The following NHEJ1 variants were observed in gnomAD, a reference collection of about 807,000 sequenced individuals.
NHEJ1 encodes the protein non-homologous end-joining factor 1.
In NHEJ1, 22 loss-of-function variants were observed where a neutral mutation model predicts 39.4. That is an observed-to-expected ratio of 0.56 (90% CI 0.40 to 0.80). The LOEUF is 0.80. Ranked by LOEUF, NHEJ1 falls within the 30% of genes least tolerant of loss-of-function variation. The probability of loss-of-function intolerance (pLI) is 0.00; values close to 1 mark genes in which losing one functional copy is unlikely to be tolerated. For synonymous variants in NHEJ1, 154 were observed against 135.6 expected (o/e 1.14, Z -0.94); for missense variants, 329 against 357.1 (o/e 0.92, Z 0.63).
chr2:219,126,634 C>T (rs1949525878), intron 5 of NHEJ1, among the ~76,000 whole-genome samples: 1 of 152,168 alleles, frequency 6.6e-6, no homozygotes, highest in South Asian at 2.1e-4. Context: ...ACATCATATC[C>T]CTGCCCTTGG....
chr2:219,075,172 T>C lies in NHEJ1; in HGVS notation c.*1209A>G, dbSNP rs1949000774. 1.3e-5 allele frequency: 2 copies of C among 152,250 alleles called. No homozygotes were observed. Among genetic ancestry groups the C allele is most frequent in the Admixed American group, 6.5e-5 (1 of 15,286 alleles). The allele number at this position is 152,250 out of a possible 1,614,324, so 9.4% of individuals were successfully genotyped here. ...TTCTGGCTGTCACTTATTAGCTGTA[T>C]GACCTTTGATAAGTCACTTACTCAC... On this transcript the variant is annotated 3_prime_UTR_variant, in exon 8 of 8. Coordinates refer to ENST00000356853, the MANE Select transcript of NHEJ1 (RefSeq NM_024782.3).
At chr2:219,142,242 T>G (rs1422493263) in intron 5 of NHEJ1, among the ~76,000 whole-genome samples, 2 of 151,584 alleles carry the variant, frequency 1.3e-5, no homozygotes, top group African/African-American at 4.8e-5. Context: ...GAGAGAAGAG[T>G]AGAGAATTGC....
At chr2:219,117,236 T>C (rs1193563167) in intron 5 of NHEJ1, among the ~76,000 whole-genome samples, 2 of 152,116 alleles carry the variant, frequency 1.3e-5, no homozygotes, top group Non-Finnish European at 2.9e-5. Flanking sequence ...CACCCCTTCA[T>C]TTTACAAGCC....
chr2:219,158,498 C>G (rs1412710909), intron 1 of NHEJ1, 136 bp from the exon 2 acceptor site: 1 of 805,982 alleles, frequency 1.2e-6, no homozygotes, highest in Non-Finnish European at 2.1e-6. Context: ...GATTTACGTT[C>G]TCCCAGTATA....
intron 5 of NHEJ1, among the ~76,000 whole-genome samples, chr2:219,126,264 A>C (rs1949513442): frequency 6.6e-6 from 1 of 152,236 alleles, no homozygotes; most frequent in South Asian, 2.1e-4. Flanking sequence ...ATAATGGGGA[A>C]AAGCTCTGCA....
chr2:219,083,162 A>C lies in NHEJ1; in HGVS notation c.589-4956T>G, dbSNP rs150067463. 8.1e-4 allele frequency among the ~76,000 whole-genome samples: 124 copies of C among 152,304 alleles called. 3 individuals carry two copies. In the East Asian group the frequency reaches 0.021, roughly 26 times the overall value. On this transcript the variant is annotated intron_variant, in intron 5 of 7. Transcript: ENST00000356853. ...ATATGGTAGTGAACAAAAGAGATAAAATTCCCTGCCATCTTGAAGTTTACA... is the reference window on the plus strand; with the variant it reads ...ATATGGTAGTGAACAAAAGAGATAACATTCCCTGCCATCTTGAAGTTTACA...
At chr2:219,126,549 A>T (rs1469833061) in intron 5 of NHEJ1, among the ~76,000 whole-genome samples, 2 of 152,244 alleles carry the variant, frequency 1.3e-5, no homozygotes, top group Non-Finnish European at 2.9e-5. Context: ...TCAAAAAGGC[A>T]AAAGTTCTCT....
At chr2:219,083,777 C>T (rs1172951242) in intron 5 of NHEJ1, among the ~76,000 whole-genome samples, 3 of 152,088 alleles carry the variant, frequency 2.0e-5, no homozygotes, top group African/African-American at 7.2e-5. Context: ...CTTGCCTGGC[C>T]CTACTCCAAT....
intron 5 of NHEJ1, among the ~76,000 whole-genome samples, chr2:219,106,202 A>T (rs1216097911): frequency 1.3e-5 from 2 of 152,192 alleles, no homozygotes; most frequent in African/African-American, 2.4e-5. Context: ...CTTGGGTCTA[A>T]GAAGACCTTG....
intron 3 of NHEJ1, among the ~76,000 whole-genome samples, 156 bp from the exon 4 acceptor site, chr2:219,147,951 T>C (rs1949758843): frequency 1.3e-5 from 2 of 152,286 alleles, no homozygotes; most frequent in South Asian, 4.1e-4. Context: ...TAAACACAAA[T>C]ACAATAATTA....
chr2:219,084,072 T>A (rs1949090792), intron 5 of NHEJ1, among the ~76,000 whole-genome samples: 1 of 150,812 alleles, frequency 6.6e-6, no homozygotes, highest in Admixed American at 6.6e-5. Flanking sequence ...AGTGGTACAG[T>A]CTCCGCTCAC....
Position 219,147,731 on chromosome 2 carries a change from T to C in NHEJ1, c.455A>G (p.Glu152Gly), listed in dbSNP as rs1949755754. Residue 152 changes from glutamate to glycine, a missense_variant, in exon 4 of 8, where the codon GAG becomes GGG. Coordinates refer to ENST00000356853, the MANE Select transcript of NHEJ1 (RefSeq NM_024782.3). The stretch of plus-strand genomic sequence containing the variant: ...TTTCATATGAAGTAACGTTGCTAGC[T>C]CCCTCACTTGGCACTGTAATGCCAG... ...MSLALQCQVR[E>G]LATLLHMKDL... 6.2e-7 allele frequency: 1 copy of C among 1,613,208 alleles called. No homozygotes were observed. Among genetic ancestry groups the C allele is most frequent in the Non-Finnish European group, 8.5e-7 (1 of 1,179,142 alleles).
intron 5 of NHEJ1, chr2:219,125,519 G>GT: frequency 6.6e-6 from 1 of 152,524 alleles, no homozygotes; most frequent in Non-Finnish European, 1.5e-5. Context: ...ACCACACAAG[G>GT]GATCTTGTCT....
chr2:219,076,484 G>T, intron 7 of NHEJ1, 29 bp from the exon 8 acceptor site: 1 of 1,607,038 alleles, frequency 6.2e-7, no homozygotes, highest in Non-Finnish European at 8.5e-7. Context: ...AAGTTAGTAG[G>T]GGTTTTGAAA....
At chr2:219,140,675 G>T (rs1210079420) in intron 5 of NHEJ1, among the ~76,000 whole-genome samples, 1 of 152,096 alleles carries the variant, frequency 6.6e-6, no homozygotes, top group African/African-American at 2.4e-5. Flanking sequence ...AAGTAAATCT[G>T]GGCATACGAC....
At chr2:219,081,387 G>A (rs1185780650) in intron 5 of NHEJ1, among the ~76,000 whole-genome samples, 2 of 152,162 alleles carry the variant, frequency 1.3e-5, no homozygotes, top group African/African-American at 4.8e-5. Flanking sequence ...CTATAAGTGC[G>A]ACTGAGCCAG....
intron 5 of NHEJ1, among the ~76,000 whole-genome samples, chr2:219,139,773 A>C (rs1461924687): frequency 6.6e-6 from 1 of 152,020 alleles, no homozygotes. Flanking sequence ...GAGACCTCCC[A>C]GGTTCACGCC....
chr2:219,124,292 C>T (rs886920785), intron 5 of NHEJ1, among the ~76,000 whole-genome samples: 1 of 152,168 alleles, frequency 6.6e-6, no homozygotes, highest in South Asian at 2.1e-4. Context: ...CAGAGGAAAG[C>T]GGGCATCAGT....
At chr2:219,110,020 C>T (rs920008531) in intron 5 of NHEJ1, among the ~76,000 whole-genome samples, 2 of 152,184 alleles carry the variant, frequency 1.3e-5, no homozygotes, top group Middle Eastern at 3.2e-3. Flanking sequence ...TATGTACCCC[C>T]TATGAAGAAT....
Sources: gnomAD v4.1 joint callset for allele counts (sites outside exome capture counted in the v4.1 genomes callset) on GRCh38, gnomAD v4.1.1 for gene constraint, MANE v1.5 for transcripts, NCBI Gene and HGNC (gene_info 2026-07-23, HGNC 2026-07-21) for gene names.